The following CPPED1 variants were observed in gnomAD, a reference collection of about 807,000 sequenced individuals.
CPPED1 encodes serine/threonine-protein phosphatase CPPED1.
A neutral mutation model predicts 28.0 loss-of-function variants in CPPED1; 28 were observed. That is an observed-to-expected ratio of 1.00 (90% CI 0.74 to 1.37). The LOEUF (loss-of-function observed/expected upper bound fraction) is 1.37. CPPED1 is among the 40% of genes most tolerant of loss of function. The pLI is 0.00. For missense variants in CPPED1, 504 were observed against 416.5 expected, an observed-to-expected ratio of 1.21 and a Z score of -1.83; for synonymous variants, 198 against 180.2, an observed-to-expected ratio of 1.10 and a Z score of -0.79.
At chr16:12,788,971 G>C (rs555084931) in intron 1 of CPPED1, among the ~76,000 whole-genome samples, 3 of 152,214 alleles carry the variant, frequency 2.0e-5, no homozygotes, top group Non-Finnish European at 4.4e-5. Flanking sequence ...CTCTTCCAGA[G>C]ATTACAAACT....
chr16:12,760,415 T>C (rs1567299407), intron 2 of CPPED1: 2 of 152,158 alleles, frequency 1.3e-5, no homozygotes, highest in Non-Finnish European at 2.9e-5. Flanking sequence ...GAGTTTAAGA[T>C]GGTGATGCTG....
intron 2 of CPPED1, among the ~76,000 whole-genome samples, chr16:12,735,136 C>T (rs1029613669): frequency 1.3e-5 from 2 of 152,284 alleles, no homozygotes; most frequent in South Asian, 2.1e-4. Context: ...CAGGTGATAT[C>T]GGGTACAAAT....
rs866292187 is a variant in CPPED1 at position 12,709,472 on chromosome 16, C to A, written c.290-4423G>T. Among the ~76,000 whole-genome samples the A allele has an allele frequency of 1.3e-5, 2 of 152,092 alleles. No homozygotes were observed. Among genetic ancestry groups the A allele is most frequent in the Non-Finnish European group, 2.9e-5 (2 of 68,014 alleles). ...GTAGAAAGCTGCAAAGCGTTTAAAA[C>A]ACTTAAAAAAATTTTAATGCAATTG... On this transcript the variant is annotated intron_variant, in intron 2 of 3. Coordinates refer to ENST00000381774, the MANE Select transcript of CPPED1 (RefSeq NM_018340.3). This position sits in a 1 kb window ranked among gnomAD's most constrained non-coding sequence, Gnocchi z 4.4.
At chr16:12,788,026 T>C (rs2080574715) in intron 1 of CPPED1, among the ~76,000 whole-genome samples, 1 of 152,216 alleles carries the variant, frequency 6.6e-6, no homozygotes, top group Non-Finnish European at 1.5e-5. Context: ...CTTCAGTTCC[T>C]CACTGGCTGC....
At chr16:12,720,134 G>T (rs956516524) in intron 2 of CPPED1, among the ~76,000 whole-genome samples, 2 of 152,098 alleles carry the variant, frequency 1.3e-5, no homozygotes, top group Non-Finnish European at 2.9e-5. Context: ...CCTTCACACC[G>T]ATCCTGTCTT....
chr16:12,801,959 T>C (rs2080662666), intron 1 of CPPED1, among the ~76,000 whole-genome samples: 1 of 152,088 alleles, frequency 6.6e-6, no homozygotes, highest in Non-Finnish European at 1.5e-5. Context: ...GACCTTGACC[T>C]TCAGGGGTGG....
chr16:12,797,245 C>T (rs2080632861), intron 1 of CPPED1, among the ~76,000 whole-genome samples: 1 of 152,074 alleles, frequency 6.6e-6, no homozygotes, highest in South Asian at 2.1e-4. Context: ...AATTATACCT[C>T]AAGAAAGTTA....
At chr16:12,779,288 G>A (rs2080515776) in intron 2 of CPPED1, among the ~76,000 whole-genome samples, 1 of 151,922 alleles carries the variant, frequency 6.6e-6, no homozygotes, top group South Asian at 2.1e-4. Flanking sequence ...GTACGATCAT[G>A]GCTCACTGTA....
At chr16:12,780,847 G>C (rs2080526073) in intron 2 of CPPED1, 1 of 215,722 alleles carries the variant, frequency 4.6e-6, no homozygotes, top group Non-Finnish European at 9.2e-6. Flanking sequence ...AATGAGGAGA[G>C]AAGATTATAT....
chr16:12,678,952 G>C (rs998030970), intron 3 of CPPED1, among the ~76,000 whole-genome samples: 1 of 152,014 alleles, frequency 6.6e-6, no homozygotes, highest in Non-Finnish European at 1.5e-5. Context: ...TTTCTTGTTG[G>C]TTATAAATTT....
intron 2 of CPPED1, among the ~76,000 whole-genome samples, chr16:12,720,761 C>T (rs756017103): frequency 6.6e-5 from 10 of 152,198 alleles, no homozygotes; most frequent in Admixed American, 5.2e-4. Context: ...TACAGGCGTG[C>T]GCCATCGTGC....
At chr16:12,673,655 C>G (rs1224699929) in intron 3 of CPPED1, among the ~76,000 whole-genome samples, 1 of 152,130 alleles carries the variant, frequency 6.6e-6, no homozygotes, top group African/African-American at 2.4e-5. Context: ...CTCCATCTGC[C>G]CCTCAGGGCT....
intron 3 of CPPED1, among the ~76,000 whole-genome samples, chr16:12,694,704 T>C (rs1044380211): frequency 8.6e-6 from 1 of 116,192 alleles, no homozygotes; most frequent in African/African-American, 3.5e-5. Context: ...CCACAAACTC[T>C]GGATTCTATG....
intron 3 of CPPED1, among the ~76,000 whole-genome samples, chr16:12,681,153 G>A (rs554445578): frequency 1.9e-4 from 27 of 140,292 alleles, no homozygotes; most frequent in African/African-American, 6.9e-4. Flanking sequence ...ATAGCCATGC[G>A]TTATTATTTC....
intron 2 of CPPED1, among the ~76,000 whole-genome samples, chr16:12,738,912 C>A (rs538875675): frequency 2.0e-5 from 3 of 152,240 alleles, no homozygotes; most frequent in African/African-American, 7.2e-5. Context: ...ATGATCATTA[C>A]CTCCTGGTAG....
chr16:12,750,740 G>A (rs2080322416), intron 2 of CPPED1, among the ~76,000 whole-genome samples: 1 of 152,236 alleles, frequency 6.6e-6, no homozygotes, highest in Non-Finnish European at 1.5e-5. Flanking sequence ...GGAGGCTGAG[G>A]TGGGCGGATC....
chr16:12,801,210 T>C (rs1431889198), intron 1 of CPPED1, among the ~76,000 whole-genome samples: 1 of 152,144 alleles, frequency 6.6e-6, no homozygotes, highest in Non-Finnish European at 1.5e-5. Flanking sequence ...TCTCCTGCCA[T>C]AGCCTCCCAA....
At chr16:12,724,342 G>A (rs1440482147) in intron 2 of CPPED1, among the ~76,000 whole-genome samples, 1 of 152,104 alleles carries the variant, frequency 6.6e-6, no homozygotes, top group East Asian at 1.9e-4. Flanking sequence ...CTCTTGCCTT[G>A]CAGAACTGGC....
intron 2 of CPPED1, among the ~76,000 whole-genome samples, chr16:12,747,782 T>C (rs919468491): frequency 3.9e-5 from 6 of 152,208 alleles, no homozygotes; most frequent in Non-Finnish European, 5.9e-5. Flanking sequence ...CACAGGTATA[T>C]ACATATGTCA....
Sources: gnomAD v4.1 joint callset for allele counts (sites outside exome capture counted in the v4.1 genomes callset) on GRCh38, gnomAD v4.1.1 for gene constraint, Gnocchi (gnomAD v3.1) non-coding constraint, MANE v1.5 for transcripts, NCBI Gene and HGNC (gene_info 2026-07-23, HGNC 2026-07-21) for gene names.